KALRN: variants seen among roughly 807,000 people sequenced by gnomAD.
The protein encoded by KALRN is kalirin.
In KALRN, 70 loss-of-function variants were observed where a neutral mutation model predicts 353.7. The observed-to-expected ratio is 0.20, with a 90% CI of 0.16 to 0.24. The LOEUF is 0.24. Among genes scored for constraint, KALRN ranks in the 10% least tolerant of loss-of-function variants. KALRN has a pLI of 1.00. For missense variants in KALRN, 2,791 were observed against 3,756.7 expected, an observed-to-expected ratio of 0.74 and a Z score of 6.72; for synonymous variants, 1,391 against 1,434.8, an observed-to-expected ratio of 0.97 and a Z score of 0.69.
chr3:124,170,881 C>A (rs1303794804), intron 1 of KALRN, among the ~76,000 whole-genome samples: 1 of 93,782 alleles, frequency 1.1e-5, no homozygotes, highest in African/African-American at 4.3e-5. Context: ...GAGACATGGT[C>A]TCGCTTTGTC....
chr3:124,594,329 T>A (rs2076076276), intron 34 of KALRN, among the ~76,000 whole-genome samples: 2 of 152,178 alleles, frequency 1.3e-5, no homozygotes, highest in African/African-American at 4.8e-5. Flanking sequence ...GGGTTCAAGC[T>A]ATTCTGCTGC....
chr3:124,163,958 A>G (rs2150043370), intron 1 of KALRN: 1 of 985,446 alleles, frequency 1.0e-6, no homozygotes, highest in Non-Finnish European at 1.2e-6. Context: ...TCCAGCTTGA[A>G]TCTAACCTTT....
chr3:124,566,392 C>G (rs2072838950), intron 34 of KALRN, among the ~76,000 whole-genome samples: 1 of 151,956 alleles, frequency 6.6e-6, no homozygotes, highest in African/African-American at 2.4e-5. Context: ...ATAGTCCCAG[C>G]TACTCAGGAG....
rs1041302106 is a variant in KALRN, at chr3:124,282,470, T to G, written c.969+13215T>G. On this transcript the variant is annotated intron_variant, in intron 5 of 59. Transcript: ENST00000682506. ...TTGGCTCACCACAACCTCTGCCTCC[T>G]GGGTTCAAGTGATTCTCCTGCCTCA... Among the ~76,000 whole-genome samples the G allele has an allele frequency of 2.6e-5, 4 of 151,334 alleles. No homozygotes were observed. The Admixed American group carries it at 2.6e-4, about 10-fold the overall frequency.
At chr3:124,546,244 A>G (rs1232294803) in intron 33 of KALRN, among the ~76,000 whole-genome samples, 1 of 149,488 alleles carries the variant, frequency 6.7e-6, no homozygotes, top group African/African-American at 2.5e-5. Flanking sequence ...ATTTGAGCCC[A>G]GGAGTTCAAG....
rs576426859 is a variant in KALRN at position 124,677,822 on chromosome 3, C to T, written c.7194-368C>T. ...CCCTTGACTTTCCTATTCTACTCTT[C>T]GCCCCCTTTCCTCACCCATCCACCG... On this transcript the variant is annotated intron_variant, in intron 49 of 59. Coordinates refer to ENST00000682506, the MANE Select transcript of KALRN (RefSeq NM_001388419.1). Among the ~76,000 whole-genome samples, 15 of 152,314 alleles carry T rather than the reference C, an allele frequency of 9.8e-5. No individual in the cohort carries two copies. The South Asian group carries it at 1.7e-3, about 17-fold the overall frequency.
intron 33 of KALRN, among the ~76,000 whole-genome samples, chr3:124,556,169 C>T: frequency 6.6e-6 from 1 of 152,124 alleles, no homozygotes. Context: ...ACCTGCAAGA[C>T]CAGGGGACCA....
intron 28 of KALRN, among the ~76,000 whole-genome samples, chr3:124,483,279 A>T (rs2062176538): frequency 6.6e-6 from 1 of 152,154 alleles, no homozygotes; most frequent in Admixed American, 6.5e-5. Context: ...TGCCAGGCAC[A>T]GTGGCTCATG....
chr3:124,675,892 C>G (rs1266497721), intron 49 of KALRN, among the ~76,000 whole-genome samples: 5 of 152,148 alleles, frequency 3.3e-5, no homozygotes, highest in Admixed American at 2.6e-4. Flanking sequence ...TGCTTTGGCC[C>G]TCTAGGTCAG....
intron 34 of KALRN, among the ~76,000 whole-genome samples, chr3:124,583,967 TG>T (rs1178757493): frequency 1.3e-5 from 2 of 152,152 alleles, no homozygotes; most frequent in Non-Finnish European, 2.9e-5. Flanking sequence ...CAAGACTAGC[TG>T]GGGCAACATA....
intron 3 of KALRN, among the ~76,000 whole-genome samples, chr3:124,255,998 T>C (rs905732059): frequency 6.6e-6 from 1 of 152,146 alleles, no homozygotes; most frequent in Admixed American, 6.5e-5. Flanking sequence ...GGCAATAATG[T>C]AGAAGAAAGA....
At chr3:124,070,378 C>T (rs1394880205) in intron 1 of KALRN, among the ~76,000 whole-genome samples, 2 of 152,106 alleles carry the variant, frequency 1.3e-5, no homozygotes, top group Non-Finnish European at 2.9e-5. Flanking sequence ...CTGTCTTTAC[C>T]GAGAACATAC....
intron 34 of KALRN, among the ~76,000 whole-genome samples, chr3:124,568,113 G>T (rs752487870): frequency 1.3e-5 from 2 of 152,172 alleles, no homozygotes; most frequent in African/African-American, 2.4e-5. Context: ...AAGGTTGAGG[G>T]TTAATGTCCA....
At chr3:124,604,045 C>T (rs1455025151) in intron 34 of KALRN, among the ~76,000 whole-genome samples, 1 of 152,096 alleles carries the variant, frequency 6.6e-6, no homozygotes, top group Non-Finnish European at 1.5e-5. Flanking sequence ...CCGAGAGATC[C>T]CTTCTCTGAA....
intron 33 of KALRN, among the ~76,000 whole-genome samples, chr3:124,502,243 T>G (rs2064666807): frequency 6.6e-6 from 1 of 152,160 alleles, no homozygotes; most frequent in Non-Finnish European, 1.5e-5. Flanking sequence ...GCCTGTGATT[T>G]GAGGATGTGC....
intron 34 of KALRN, among the ~76,000 whole-genome samples, chr3:124,575,836 T>C (rs1379500591): frequency 1.3e-5 from 2 of 152,178 alleles, no homozygotes; most frequent in Admixed American, 1.3e-4. Flanking sequence ...ACCAGAATGA[T>C]CCAGCATAAT....
At chr3:124,562,552 C>A in intron 33 of KALRN, 1 of 293,134 alleles carries the variant, frequency 3.4e-6, no homozygotes, top group South Asian at 3.3e-5. Context: ...AGAATCAAAG[C>A]CCTGGTTCTG....
At chr3:124,034,080 C>A (rs1289993593) in intron 1 of KALRN, among the ~76,000 whole-genome samples, 1 of 151,928 alleles carries the variant, frequency 6.6e-6, no homozygotes. Context: ...GGAGGCGGTC[C>A]CCTCGGACCG....
At chr3:124,232,165 T>C (rs1398684779) in intron 2 of KALRN, among the ~76,000 whole-genome samples, 1 of 152,168 alleles carries the variant, frequency 6.6e-6, no homozygotes, top group African/African-American at 2.4e-5. Context: ...ATTTATATGG[T>C]GCATTAGCTC....
Sources: allele counts gnomAD v4.1 joint callset (sites outside exome capture counted in the v4.1 genomes callset), GRCh38; gene constraint gnomAD v4.1.1; transcripts MANE v1.5; gene names NCBI Gene and HGNC (gene_info 2026-07-23, HGNC 2026-07-21).